DCC: variants seen among roughly 807,000 people sequenced by gnomAD.
DCC encodes the protein DCC netrin 1 receptor, also known as netrin receptor DCC.
A neutral mutation model predicts 172.5 loss-of-function variants in DCC; 58 were observed. That is an observed-to-expected ratio of 0.34 (90% CI 0.27 to 0.42). The LOEUF is 0.42. Ranked by LOEUF, DCC falls within the 10% of genes least tolerant of loss-of-function variation. The pLI is 1.00. For synonymous variants in DCC, 709 were observed against 644.5 expected, an observed-to-expected ratio of 1.10 and a Z score of -1.52; for missense variants, 1,740 against 1,791.0, an observed-to-expected ratio of 0.97 and a Z score of 0.51.
rs544135145 is a variant in DCC at position 53,021,237 on chromosome 18, T to C, written c.986-42068T>C. On this transcript the variant is annotated intron_variant, in intron 5 of 28. Coordinates refer to ENST00000442544, the MANE Select transcript of DCC (RefSeq NM_005215.4). ...CTGGCCCCGTGTTCATTCTTTCTTG[T>C]GGCTTGTAGGTCAGTGTTCTAACCT... Among the ~76,000 whole-genome samples the C allele has an allele frequency of 4.6e-5, 7 of 152,322 alleles. No individual in the cohort carries two copies. The South Asian group carries it at 1.5e-3, about 32-fold the overall frequency.
At chr18:53,281,478 G>GATAAA (rs2056871018) in intron 12 of DCC, among the ~76,000 whole-genome samples, 1 of 152,114 alleles carries the variant, frequency 6.6e-6, no homozygotes, top group South Asian at 2.1e-4. Flanking sequence ...TAAAAATGCT[G>GATAAA]AATCAGACGT....
At chr18:52,380,211 A>C (rs1173434676) in intron 1 of DCC, among the ~76,000 whole-genome samples, 1 of 152,102 alleles carries the variant, frequency 6.6e-6, no homozygotes, top group Non-Finnish European at 1.5e-5. Context: ...TACTGTCACC[A>C]CAATAAAGAT....
intron 5 of DCC, among the ~76,000 whole-genome samples, chr18:53,006,722 A>G (rs2041652401): frequency 6.6e-6 from 1 of 152,210 alleles, no homozygotes; most frequent in Admixed American, 6.5e-5. Flanking sequence ...CAGATGTCAA[A>G]CTATCATGTA....
rs781048637 is a variant in DCC at position 53,386,150 on chromosome 18, T to G, written c.2455+12T>G. ...CAGGTCTATAACCGGTAAGTGAAATTGTTAATCTTCCTCTGACAAAGTATA... is the reference window on the plus strand; with the variant it reads ...CAGGTCTATAACCGGTAAGTGAAATGGTTAATCTTCCTCTGACAAAGTATA... On this transcript the variant is annotated intron_variant, in intron 16 of 28. Transcript: ENST00000442544. 1 of 1,514,562 alleles carries G rather than the reference T, an allele frequency of 6.6e-7. No homozygotes were observed. Among genetic ancestry groups the G allele is most frequent in the South Asian group, 1.1e-5 (1 of 89,108 alleles). 93.8% of individuals were successfully genotyped at this position (1,514,562 alleles called of 1,614,324 possible). A position where few individuals can be genotyped will look rare whatever the true frequency, so the allele number is the denominator to read the frequency against.
chr18:52,824,174 C>T (rs1206957729), intron 2 of DCC, among the ~76,000 whole-genome samples: 2 of 152,128 alleles, frequency 1.3e-5, no homozygotes, highest in Non-Finnish European at 2.9e-5. Context: ...ATGAGAAATA[C>T]GCTGGTTTTC....
At position 52,488,463 on chromosome 18, in the gene DCC, T is replaced by C. The variant is rs531686046; in HGVS notation, c.91+147585T>C. On this transcript the variant is annotated intron_variant, in intron 1 of 28. Coordinates refer to ENST00000442544, the MANE Select transcript of DCC (RefSeq NM_005215.4). ...GAGGTAGGACTGTATGATGAGGAAA[T>C]AGAATATTCAGTGGATTGAGCACTT... Among the ~76,000 whole-genome samples, 8 of 152,002 alleles carry C rather than the reference T, an allele frequency of 5.3e-5. 1 individual carries two copies. Among genetic ancestry groups the C allele is most frequent in the Admixed American group, 5.2e-4 (8 of 15,250 alleles).
chr18:53,399,603 G>A (rs1313303212), intron 18 of DCC, among the ~76,000 whole-genome samples: 1 of 151,872 alleles, frequency 6.6e-6, no homozygotes, highest in African/African-American at 2.4e-5. Context: ...GAAAAAATGA[G>A]AGCCAAAGAA....
chr18:53,425,197 T>G (rs2145086365), intron 21 of DCC, among the ~76,000 whole-genome samples: 1 of 151,920 alleles, frequency 6.6e-6, no homozygotes, highest in Non-Finnish European at 1.5e-5. Context: ...AAGGAAACTA[T>G]TTTTCATTCT....
At chr18:52,592,422 T>C (rs1174969181) in intron 1 of DCC, among the ~76,000 whole-genome samples, 2 of 152,208 alleles carry the variant, frequency 1.3e-5, no homozygotes, top group African/African-American at 4.8e-5. Context: ...AGGTGAGCCA[T>C]GCAGTAACTA....
chr18:52,523,977 A>T (rs2144671255), intron 1 of DCC, among the ~76,000 whole-genome samples: 1 of 152,326 alleles, frequency 6.6e-6, no homozygotes, highest in East Asian at 1.9e-4. Flanking sequence ...GCTCTTCTCA[A>T]TTAATAATTT....
At chr18:52,410,031 A>C (rs1256320336) in intron 1 of DCC, among the ~76,000 whole-genome samples, 2 of 152,110 alleles carry the variant, frequency 1.3e-5, no homozygotes, top group Non-Finnish European at 2.9e-5. Context: ...ACCAGTGAAA[A>C]TGCCTGTCTC....
At chr18:52,930,309 T>C (rs1420223838) in intron 5 of DCC, among the ~76,000 whole-genome samples, 1 of 152,000 alleles carries the variant, frequency 6.6e-6, no homozygotes, top group Non-Finnish European at 1.5e-5. Context: ...TTAGTTTTAA[T>C]TAAGCGAGGT....
intron 14 of DCC, among the ~76,000 whole-genome samples, chr18:53,337,898 T>A (rs2057610213): frequency 6.6e-6 from 1 of 152,190 alleles, no homozygotes; most frequent in South Asian, 2.1e-4. Context: ...CTTGCATAAT[T>A]TGGCATATGT....
chr18:52,941,486 T>TTGTGTG (rs74178695), intron 5 of DCC, among the ~76,000 whole-genome samples: 6 of 149,546 alleles, frequency 4.0e-5, no homozygotes, highest in African/African-American at 1.2e-4. Flanking sequence ...ATATACATGT[T>TTGTGTG]TGTGTGTGTG....
At chr18:53,496,675 C>T (rs1311161895) in intron 26 of DCC, among the ~76,000 whole-genome samples, 1 of 152,160 alleles carries the variant, frequency 6.6e-6, no homozygotes, top group Non-Finnish European at 1.5e-5. Flanking sequence ...GCTAAAGGAG[C>T]ATGTTCTAAC....
chr18:52,368,279 T>C (rs1984965391), intron 1 of DCC, among the ~76,000 whole-genome samples: 1 of 152,174 alleles, frequency 6.6e-6, no homozygotes, highest in African/African-American at 2.4e-5. Flanking sequence ...TTCATGAACA[T>C]GTTCTTAATA....
chr18:52,439,386 T>A (rs1162129808), intron 1 of DCC, among the ~76,000 whole-genome samples: 1 of 152,080 alleles, frequency 6.6e-6, no homozygotes, highest in Non-Finnish European at 1.5e-5. Context: ...GGAACCTGAC[T>A]CCCTAATTTC....
chr18:52,674,637 C>T (rs139072472), intron 1 of DCC, among the ~76,000 whole-genome samples: 2 of 152,204 alleles, frequency 1.3e-5, no homozygotes, highest in African/African-American at 4.8e-5. Context: ...CTCTAAGAAG[C>T]CTTCATGTAA....
intron 5 of DCC, among the ~76,000 whole-genome samples, chr18:53,025,583 T>G (rs1407732512): frequency 6.6e-6 from 1 of 152,138 alleles, no homozygotes. Flanking sequence ...ATAGCATCAC[T>G]ATTCCAGAAT....
Sources: gnomAD v4.1 joint callset for allele counts (sites outside exome capture counted in the v4.1 genomes callset) on GRCh38, gnomAD v4.1.1 for gene constraint, MANE v1.5 for transcripts, NCBI Gene and HGNC (gene_info 2026-07-23, HGNC 2026-07-21) for gene names.